HSD17B2: variants seen among roughly 807,000 people sequenced by gnomAD.
HSD17B2 encodes the protein hydroxysteroid 17-beta dehydrogenase 2, also known as 17-beta-hydroxysteroid dehydrogenase type 2.
In HSD17B2, 32 loss-of-function variants were observed where a neutral mutation model predicts 26.9. The ratio of observed to expected loss-of-function variants is 1.19; its 90% CI spans 0.90 to 1.60. The LOEUF (loss-of-function observed/expected upper bound fraction) is 1.60, where lower values mean the gene tolerates loss of function less well. Among genes scored for constraint, HSD17B2 ranks in the 40% most tolerant of loss-of-function variants. HSD17B2 has a pLI of 0.00. For synonymous variants in HSD17B2, 246 were observed against 186.7 expected (o/e 1.32, Z -2.59); for missense variants, 613 against 468.6 (o/e 1.31, Z -2.85).
intron 1 of HSD17B2, among the ~76,000 whole-genome samples, chr16:82,060,497 C>T (rs1386788452): frequency 6.6e-6 from 1 of 152,234 alleles, no homozygotes. Context: ...GACTCATCTC[C>T]TGGTTAATCA....
intron 1 of HSD17B2, chr16:82,052,465 A>T (rs1315323699): frequency 6.6e-6 from 1 of 152,234 alleles, no homozygotes; most frequent in Non-Finnish European, 1.5e-5. Flanking sequence ...GGTCCTGTGA[A>T]TGGAATTGTC....
intron 3 of HSD17B2, among the ~76,000 whole-genome samples, chr16:82,083,040 C>T (rs1361642786): frequency 6.6e-6 from 1 of 152,110 alleles, no homozygotes; most frequent in Non-Finnish European, 1.5e-5. Context: ...GATGCTCTTC[C>T]CAGTGGTACC....
chr16:82,091,135 T>G lies in HSD17B2; in HGVS notation c.802+96T>G, dbSNP rs1405955334. 3.3e-6 allele frequency: 4 copies of G among 1,199,190 alleles called. No homozygotes were observed. In the Admixed American group the frequency reaches 6.7e-5, roughly 20 times the overall value. The allele number at this position is 1,199,190 out of a possible 1,614,324, so 74.3% of individuals were successfully genotyped here. A position where few individuals can be genotyped will look rare whatever the true frequency, so the allele number is the denominator to read the frequency against. ...AGAGCACACATTGAACCCCTCATTG[T>G]TGTCAAAGATGAGCACAGCCAGAGA... On this transcript the variant is annotated intron_variant, in intron 4 of 4. Coordinates refer to ENST00000199936, the MANE Select transcript of HSD17B2 (RefSeq NM_002153.3).
chr16:82,062,732 A>ACTTG (rs1342352011), intron 1 of HSD17B2, among the ~76,000 whole-genome samples: 1 of 152,196 alleles, frequency 6.6e-6, no homozygotes, highest in South Asian at 2.1e-4. Flanking sequence ...TGCAATCCAT[A>ACTTG]CTTGGTGTGC....
chr16:82,050,083 G>C (rs565905050), intron 1 of HSD17B2, among the ~76,000 whole-genome samples: 12 of 152,366 alleles, frequency 7.9e-5, no homozygotes, highest in African/African-American at 2.9e-4. Flanking sequence ...TGGATAGCCA[G>C]CCCTACTTTA....
intron 3 of HSD17B2, chr16:82,072,064 G>A (rs1914710559): frequency 6.6e-6 from 1 of 152,210 alleles, no homozygotes; most frequent in Non-Finnish European, 1.5e-5. Flanking sequence ...TGGTCAGGGA[G>A]GGGGTTCTTC....
At chr16:82,049,621 G>C (rs1192822911) in intron 1 of HSD17B2, among the ~76,000 whole-genome samples, 1 of 152,238 alleles carries the variant, frequency 6.6e-6, no homozygotes, top group Non-Finnish European at 1.5e-5. Flanking sequence ...GAATGAAAGA[G>C]AGGAAACAGC....
rs553375013 is a variant in HSD17B2, at chr16:82,060,517, A to T, written c.266-7653A>T. On this transcript the variant is annotated intron_variant, in intron 1 of 4. Transcript: ENST00000199936. ...ATCTCCTGGTTAATCAAGAGAAACCATTGATCTGGGTTTTCAGGTACAATC... is the reference window on the plus strand; with the variant it reads ...ATCTCCTGGTTAATCAAGAGAAACCTTTGATCTGGGTTTTCAGGTACAATC... Among the ~76,000 whole-genome samples, 28 of 152,348 alleles carry T rather than the reference A, an allele frequency of 1.8e-4. 1 individual carries two copies. The South Asian group carries it at 3.3e-3, about 18-fold the overall frequency.
intron 1 of HSD17B2, among the ~76,000 whole-genome samples, chr16:82,045,297 C>T (rs953079767): frequency 2.0e-5 from 3 of 152,082 alleles, no homozygotes; most frequent in African/African-American, 7.2e-5. Flanking sequence ...GCCCCCCATC[C>T]ATCTTAAGCT....
chr16:82,051,252 A>G (rs774780711), intron 1 of HSD17B2, among the ~76,000 whole-genome samples: 3 of 152,232 alleles, frequency 2.0e-5, no homozygotes, highest in Non-Finnish European at 4.4e-5. Context: ...TATGCAGTAG[A>G]TGCTTAATAA....
chr16:82,074,417 C>A (rs1205000700), intron 3 of HSD17B2, among the ~76,000 whole-genome samples: 1 of 152,088 alleles, frequency 6.6e-6, no homozygotes, highest in African/African-American at 2.4e-5. Flanking sequence ...AATCAAGTAA[C>A]AATATCAGAA....
chr16:82,085,955 A>G (rs925954073), intron 3 of HSD17B2, among the ~76,000 whole-genome samples: 19 of 152,108 alleles, frequency 1.2e-4, no homozygotes, highest in Admixed American at 7.2e-4. Flanking sequence ...GCTATAATAA[A>G]AAAAAAACAC....
intron 3 of HSD17B2, among the ~76,000 whole-genome samples, chr16:82,080,471 A>AT (rs1412674017): frequency 6.6e-6 from 1 of 152,160 alleles, no homozygotes; most frequent in African/African-American, 2.4e-5. Context: ...AAACCAAGGA[A>AT]TGCAGGTGGC....
chr16:82,046,856 G>A (rs545437898), intron 1 of HSD17B2, among the ~76,000 whole-genome samples: 89 of 152,184 alleles, frequency 5.8e-4, no homozygotes, highest in Non-Finnish European at 1.1e-3. Flanking sequence ...CATAACTAAG[G>A]CCAAGTGACA....
chr16:82,070,169 G>GT (rs1270956525), intron 2 of HSD17B2, among the ~76,000 whole-genome samples: 3 of 151,958 alleles, frequency 2.0e-5, no homozygotes, highest in Non-Finnish European at 4.4e-5. Flanking sequence ...CTGCAAATCG[G>GT]TTTGCTCTCC....
At chr16:82,084,300 G>A (rs929195775) in intron 3 of HSD17B2, among the ~76,000 whole-genome samples, 2 of 152,076 alleles carry the variant, frequency 1.3e-5, no homozygotes, top group African/African-American at 4.8e-5. Flanking sequence ...AACAGCATAT[G>A]TGTCCTTGAC....
In HSD17B2 at chr16:82,071,143, C is replaced by G. The variant is rs562666235; in HGVS notation, c.664+16C>G. 6.2e-7 allele frequency: 1 copy of G among 1,612,476 alleles called. No homozygotes were observed. Among genetic ancestry groups the G allele is most frequent in the African/African-American group, 1.3e-5 (1 of 74,904 alleles). ...AGCATGGGAGGTGAGTCAGCATTTT[C>G]ACACATGGTCATGGGGTGCCCATCA... On this transcript the variant is annotated intron_variant, in intron 3 of 4. Coordinates refer to ENST00000199936, the MANE Select transcript of HSD17B2 (RefSeq NM_002153.3).
intron 1 of HSD17B2, among the ~76,000 whole-genome samples, chr16:82,063,532 T>C (rs1914500142): frequency 6.6e-6 from 1 of 152,134 alleles, no homozygotes; most frequent in South Asian, 2.1e-4. Flanking sequence ...TTTGGCTTCA[T>C]TAATTTACTG....
chr16:82,080,472 T>G (rs1904349247), intron 3 of HSD17B2, among the ~76,000 whole-genome samples: 1 of 152,132 alleles, frequency 6.6e-6, no homozygotes, highest in Non-Finnish European at 1.5e-5. Context: ...AACCAAGGAA[T>G]GCAGGTGGCT....
Sources: gnomAD v4.1 joint callset for allele counts (sites outside exome capture counted in the v4.1 genomes callset) on GRCh38, gnomAD v4.1.1 for gene constraint, MANE v1.5 for transcripts, NCBI Gene and HGNC (gene_info 2026-07-23, HGNC 2026-07-21) for gene names.